Variants in HIP1 observed in about 807,000 individuals in gnomAD.
HIP1 encodes huntingtin-interacting protein 1.
In HIP1, 65 loss-of-function variants were observed where a neutral mutation model predicts 147.6. The observed-to-expected ratio is 0.44, with a 90% confidence interval of 0.36 to 0.54. The LOEUF (loss-of-function observed/expected upper bound fraction) is 0.54. HIP1 is among the 20% of genes least tolerant of loss of function. The pLI, the probability that HIP1 is intolerant of heterozygous loss-of-function variation, is 0.00. For synonymous variants in HIP1, 479 were observed against 504.0 expected (o/e 0.95, Z 0.67); for missense variants, 1,061 against 1,299.6 (o/e 0.82, Z 2.82).
At chr7:75,647,393 A>G (rs1367948020) in intron 1 of HIP1, among the ~76,000 whole-genome samples, 2 of 152,046 alleles carry the variant, frequency 1.3e-5, no homozygotes, top group Admixed American at 6.6e-5. Context: ...GAGAGACTCC[A>G]TCTCAAAAAA....
intron 1 of HIP1, among the ~76,000 whole-genome samples, chr7:75,600,230 C>A (rs1260007903): frequency 6.6e-6 from 1 of 152,114 alleles, no homozygotes; most frequent in African/African-American, 2.4e-5. Flanking sequence ...CCTGCCTCAG[C>A]CTCCCGAGTA....
chr7:75,586,659 TACCTGAAAGAGCTG>T (rs1167511994), intron 5 of HIP1, 80 bp downstream of exon 5: 1 of 791,606 alleles, frequency 1.3e-6, no homozygotes, highest in Non-Finnish European at 2.2e-6. Flanking sequence ...GGCTGTCTAT[TACCTGAAAGAGCTG>T]ACAAATGAGC....
At chr7:75,566,229 C>T (rs951912371) in intron 9 of HIP1, among the ~76,000 whole-genome samples, 1 of 150,858 alleles carries the variant, frequency 6.6e-6, no homozygotes, top group African/African-American at 2.5e-5. Context: ...ACCATGTTGG[C>T]CAGGCTGGTC....
intron 1 of HIP1, among the ~76,000 whole-genome samples, chr7:75,670,912 G>A (rs1476460995): frequency 8.0e-5 from 12 of 150,774 alleles, no homozygotes; most frequent in Admixed American, 2.0e-4. Flanking sequence ...GTGAGCCACC[G>A]CGCCCGGTCT....
At chr7:75,624,643 C>G (rs1797971030) in intron 1 of HIP1, among the ~76,000 whole-genome samples, 1 of 152,196 alleles carries the variant, frequency 6.6e-6, no homozygotes, top group African/African-American at 2.4e-5. Flanking sequence ...GAGGAAACTG[C>G]TCCACTCCCT....
intron 1 of HIP1, among the ~76,000 whole-genome samples, chr7:75,670,801 T>TTTTTTTTTTTTTTA (rs56213047): frequency 1.4e-5 from 2 of 147,840 alleles, no homozygotes; most frequent in East Asian, 2.0e-4. Flanking sequence ...TTTTTTTTTT[T>TTTTTTTTTTTTTTA]GGTAGAGATA....
chr7:75,639,196 G>A, intron 1 of HIP1: 1 of 982,396 alleles, frequency 1.0e-6, no homozygotes, highest in Non-Finnish European at 1.2e-6. Flanking sequence ...GCGGACCGGG[G>A]CAGGCGGCGG....
At chr7:75,691,908 T>C (rs1554518188) in intron 1 of HIP1, among the ~76,000 whole-genome samples, 1 of 151,916 alleles carries the variant, frequency 6.6e-6, no homozygotes, top group Admixed American at 6.6e-5. Flanking sequence ...GACTGTGTGA[T>C]GGGCACTATG....
At chr7:75,682,211 C>G (rs1461810407) in intron 1 of HIP1, among the ~76,000 whole-genome samples, 8 of 151,542 alleles carry the variant, frequency 5.3e-5, no homozygotes, top group African/African-American at 1.9e-4. Flanking sequence ...CCCACCTGGC[C>G]TCCCAAAGTG....
intron 1 of HIP1, among the ~76,000 whole-genome samples, chr7:75,677,554 G>A (rs2705804): frequency 0.57 from 82,570 of 144,546 alleles, 23,921 homozygotes; most frequent in African/African-American, 0.66. Context: ...GCAGTGAGCC[G>A]AGATCGCGCC....
chr7:75,574,953 T>C (rs1250205207), intron 7 of HIP1, among the ~76,000 whole-genome samples: 6 of 145,638 alleles, frequency 4.1e-5, no homozygotes, highest in Non-Finnish European at 9.0e-5. Flanking sequence ...TGAGCCTGAG[T>C]TTGAGACCAG....
chr7:75,598,292 G>A (rs1796831367), intron 2 of HIP1, among the ~76,000 whole-genome samples: 1 of 151,634 alleles, frequency 6.6e-6, no homozygotes, highest in South Asian at 2.1e-4. Context: ...AGCTACTTGG[G>A]AAGCTGAGGC....
intron 1 of HIP1, among the ~76,000 whole-genome samples, chr7:75,644,454 T>C (rs1393448852): frequency 6.6e-6 from 1 of 151,964 alleles, no homozygotes; most frequent in African/African-American, 2.4e-5. Context: ...ACCACCACGC[T>C]CGGCAAACTT....
chr7:75,653,725 C>T (rs564573441), intron 1 of HIP1, among the ~76,000 whole-genome samples: 4 of 151,756 alleles, frequency 2.6e-5, no homozygotes, highest in East Asian at 3.9e-4. Context: ...CCAGGCGTTG[C>T]GGTGGGTGCC....
chr7:75,656,961 G>T (rs887470119), intron 1 of HIP1, among the ~76,000 whole-genome samples: 2 of 152,176 alleles, frequency 1.3e-5, no homozygotes, highest in Non-Finnish European at 2.9e-5. Flanking sequence ...AATGAGCCAC[G>T]TTCAAGGACA....
In HIP1 at chr7:75,568,564, A is replaced by C. The variant is rs1795497951; in HGVS notation, c.746-308T>G. Among the ~76,000 whole-genome samples, 1 of 152,244 alleles carries C rather than the reference A, an allele frequency of 6.6e-6. No individual in the cohort carries two copies. Among genetic ancestry groups the C allele is most frequent in the African/African-American group, 2.4e-5 (1 of 41,476 alleles). On this transcript the variant is annotated intron_variant, in intron 8 of 30. Transcript: ENST00000336926. This position sits in a 1 kb window ranked among gnomAD's most constrained non-coding sequence, Gnocchi z 4.1. ...TAGAGAAGAAATGGTGACCTGACCC[A>C]GTAGCAGGCTGGACCATGGCAGGCC...
In HIP1 at chr7:75,721,485, C is replaced by T. The variant is rs369721271; in HGVS notation, c.120+17316G>A. On this transcript the variant is annotated intron_variant, in intron 1 of 30. Coordinates refer to ENST00000336926, the MANE Select transcript of HIP1 (RefSeq NM_005338.7). ...TCGAGGCTGCAGTGAGCTATGTTCA[C>T]ACCACTGCACTCCAGCCTGGGTGAC... Among the ~76,000 whole-genome samples the T allele has an allele frequency of 1.5e-3, 234 of 151,188 alleles. 1 individual carries two copies. The highest frequency in any genetic ancestry group is 5.4e-3 in the African/African-American group (222 of 41,172).
chr7:75,723,643 CAG>C lies in HIP1; in HGVS notation c.120+15156_120+15157del, dbSNP rs374447515. ...GCCTCCCTCTGGTCCTCCCACATCT[CAG>C]AGTTAGCAGCTGTGCATGAAACCCT... On this transcript the variant is annotated intron_variant, in intron 1 of 30. Transcript: ENST00000336926. 6.2e-3 allele frequency among the ~76,000 whole-genome samples: 940 copies of C among 152,230 alleles called. 17 individuals are homozygous for C. Among genetic ancestry groups the C allele is most frequent in the African/African-American group, 0.021 (875 of 41,542 alleles).
Position 75,556,019 on chromosome 7 carries a change from G to C in HIP1, c.1827+7C>G. 6 of 1,613,908 alleles carry C rather than the reference G, an allele frequency of 3.7e-6. No individual in the cohort carries two copies. The highest frequency in any genetic ancestry group is 5.1e-6 in the Non-Finnish European group (6 of 1,179,876). ...GGTGCTCGCTCGTGTCCATGTCCGTGACTTGCCTCTGTGCTGGCCAGTTTG... is the reference window on the plus strand; with the variant it reads ...GGTGCTCGCTCGTGTCCATGTCCGTCACTTGCCTCTGTGCTGGCCAGTTTG... On this transcript the variant is annotated splice_region_variant and intron_variant, in intron 18 of 30. Transcript: ENST00000336926.
Sources: gnomAD v4.1 joint callset for allele counts (sites outside exome capture counted in the v4.1 genomes callset) on GRCh38, gnomAD v4.1.1 for gene constraint, Gnocchi (gnomAD v3.1) non-coding constraint, MANE v1.5 for transcripts, NCBI Gene and HGNC (gene_info 2026-07-23, HGNC 2026-07-21) for gene names.